The following PREX2 variants were observed in gnomAD, a reference collection of about 807,000 sequenced individuals.
PREX2 encodes phosphatidylinositol-3,4,5-trisphosphate dependent Rac exchange factor 2.
Under a neutral mutation model 203.2 loss-of-function variants are expected in PREX2, and 107 were observed. That is an observed-to-expected ratio of 0.53 (90% CI 0.45 to 0.62). The LOEUF (loss-of-function observed/expected upper bound fraction) is 0.62, where lower values mean the gene tolerates loss of function less well. Among genes scored for constraint, PREX2 ranks in the 20% least tolerant of loss-of-function variants. The probability of loss-of-function intolerance (pLI) is 0.00; values close to 1 mark genes in which losing one functional copy is unlikely to be tolerated. For synonymous variants in PREX2, 672 were observed against 663.6 expected, an observed-to-expected ratio of 1.01 and a Z score of -0.19; for missense variants, 1,777 against 1,955.9, an observed-to-expected ratio of 0.91 and a Z score of 1.72.
At chr8:68,113,374 AT>A (rs71933541) in intron 25 of PREX2, among the ~76,000 whole-genome samples, 1 of 152,138 alleles carries the variant, frequency 6.6e-6, no homozygotes, top group Admixed American at 6.5e-5. Context: ...GAACTCCTGC[AT>A]TTTTTCCCTC....
intron 26 of PREX2, among the ~76,000 whole-genome samples, chr8:68,116,547 C>T (rs1810662780): frequency 6.6e-6 from 1 of 152,140 alleles, no homozygotes; most frequent in African/African-American, 2.4e-5. Flanking sequence ...TGTGTTGGCT[C>T]CTTCTGAAGG....
chr8:68,213,224 C>T (rs1422875843), intron 37 of PREX2, among the ~76,000 whole-genome samples: 3 of 152,164 alleles, frequency 2.0e-5, no homozygotes, highest in Non-Finnish European at 1.5e-5. Context: ...ATAACCACAG[C>T]GAATTGAACG....
At chr8:68,206,625 G>T (rs1230888852) in intron 37 of PREX2, among the ~76,000 whole-genome samples, 3 of 152,134 alleles carry the variant, frequency 2.0e-5, no homozygotes, top group Non-Finnish European at 4.4e-5. Flanking sequence ...CAAGACTAGG[G>T]TTTTATTTCC....
At chr8:68,215,363 A>G (rs1039607575) in intron 37 of PREX2, among the ~76,000 whole-genome samples, 16 of 152,172 alleles carry the variant, frequency 1.1e-4, no homozygotes, top group Admixed American at 2.6e-4. Flanking sequence ...AGAAACAGAT[A>G]AAGATTTTTT....
chr8:68,120,251 A>G lies in PREX2; in HGVS notation c.3560A>G (p.Gln1187Arg). 6.2e-7 allele frequency: 1 copy of G among 1,613,916 alleles called. No homozygotes were observed. The highest frequency in any genetic ancestry group is 8.5e-7 in the Non-Finnish European group (1 of 1,179,816). ...KGQAVVRAFD[Q>R]TKYLTPGRGL... The stretch of plus-strand genomic sequence containing the variant: ...CAGGCTGTTGTGAGGGCCTTTGACC[A>G]AACCAAGTATCTCACTCCAGGCCGA... The change falls in exon 29 of 40, where the codon CAA (glutamine) becomes CGA (arginine). Residue 1187 changes from glutamine (Q) to arginine (R), a missense_variant. Transcript: ENST00000288368.
intron 37 of PREX2, among the ~76,000 whole-genome samples, chr8:68,205,472 GT>G (rs1812603934): frequency 6.6e-6 from 1 of 152,192 alleles, no homozygotes. Flanking sequence ...AGGTGGGAAA[GT>G]CAATAGGTCA....
chr8:68,116,047 C>A, intron 26 of PREX2, 115 bp downstream of exon 26: 1 of 813,708 alleles, frequency 1.2e-6, no homozygotes, highest in Non-Finnish European at 1.9e-6. Flanking sequence ...TGGTCTTTCA[C>A]AATAATCACC....
Position 68,017,824 on chromosome 8 carries a change from A to G in PREX2, c.142-22A>G, listed in dbSNP as rs1447601004. On this transcript the variant is annotated intron_variant, in intron 1 of 39. Transcript: ENST00000288368. ...TTTATTAACCTAATGTTACCTTCAT[A>G]ATGTCTTCTTGTTTCATGCAGGCAT... 20 of 1,602,030 alleles carry G rather than the reference A, an allele frequency of 1.2e-5. No homozygotes were observed. The East Asian group carries it at 4.5e-4, about 36-fold the overall frequency.
intron 38 of PREX2, 140 bp from the exon 39 acceptor site, chr8:68,224,419 C>A: frequency 1.5e-6 from 1 of 663,440 alleles, no homozygotes; most frequent in Admixed American, 2.6e-5. Flanking sequence ...GCTCAGACAG[C>A]GATGTCTGTC....
chr8:68,159,777 A>G (rs1811616633), intron 35 of PREX2, among the ~76,000 whole-genome samples: 1 of 152,210 alleles, frequency 6.6e-6, no homozygotes, highest in Non-Finnish European at 1.5e-5. Context: ...CTAATTATGT[A>G]TCTTAAAAAA....
At chr8:68,174,495 T>C (rs1811940991) in intron 35 of PREX2, among the ~76,000 whole-genome samples, 1 of 152,152 alleles carries the variant, frequency 6.6e-6, no homozygotes, top group Admixed American at 6.6e-5. Flanking sequence ...TTTTCATAAT[T>C]TTAGTTAGAA....
At chr8:68,024,677 A>G (rs1165889693) in intron 4 of PREX2, among the ~76,000 whole-genome samples, 2 of 151,730 alleles carry the variant, frequency 1.3e-5, no homozygotes, top group African/African-American at 2.4e-5. Context: ...GTGCCATTTT[A>G]TTACTTTTTC....
chr8:68,031,185 C>G lies in PREX2; in HGVS notation c.705+527C>G, dbSNP rs189825993. On this transcript the variant is annotated intron_variant, in intron 6 of 39. Transcript: ENST00000288368. ...GAGTCACTAAGGAAATTTTTTTATGCCAAAAAAAGAGTATAGTTCAAAATC... is the reference window on the plus strand; with the variant it reads ...GAGTCACTAAGGAAATTTTTTTATGGCAAAAAAAGAGTATAGTTCAAAATC... Among the ~76,000 whole-genome samples the G allele has an allele frequency of 7.7e-3, 1,171 of 151,840 alleles. 8 individuals carry two copies. Among genetic ancestry groups the G allele is most frequent in the Admixed American group, 0.012 (189 of 15,262 alleles).
At position 67,952,447 on chromosome 8, in the gene PREX2, A is replaced by G; in HGVS notation, c.53A>G (p.Glu18Gly). 1 of 1,595,496 alleles carries G rather than the reference A, an allele frequency of 6.3e-7. No homozygotes were observed. Among genetic ancestry groups the G allele is most frequent in the Non-Finnish European group, 8.5e-7 (1 of 1,171,618 alleles). ...DSRAESAKDL[E>G]KQLRLRVCVL... The stretch of plus-strand genomic sequence containing the variant: ...CGCGCCGAGAGCGCCAAGGACCTGG[A>G]GAAGCAGCTTCGCCTGCGCGTGTGC... The change falls in exon 1 of 40, where the codon GAG (glutamate) becomes GGG (glycine). Residue 18 changes from glutamate (E) to glycine (G), a missense_variant. Coordinates refer to ENST00000288368, the MANE Select transcript of PREX2 (RefSeq NM_024870.4).
chr8:68,030,738 G>A (rs1052180505), intron 6 of PREX2, 80 bp downstream of exon 6: 11 of 1,374,846 alleles, frequency 8.0e-6, no homozygotes, highest in Non-Finnish European at 1.1e-5. Context: ...GCGTTGGATG[G>A]AACCATAAAT....
In PREX2 at chr8:68,160,665, G is replaced by A. The variant is rs1289174555; in HGVS notation, c.4346+3229G>A. 2.6e-5 allele frequency among the ~76,000 whole-genome samples: 4 copies of A among 151,972 alleles called. No individual in the cohort carries two copies. The South Asian group carries it at 8.3e-4, about 32-fold the overall frequency. On this transcript the variant is annotated intron_variant, in intron 35 of 39. Coordinates refer to ENST00000288368, the MANE Select transcript of PREX2 (RefSeq NM_024870.4). ...TTGAGGAAGTATGTCAAATATTAAAGGTTTAAAACATTTGTTCAAAATAGG... is the reference window on the plus strand; with the variant it reads ...TTGAGGAAGTATGTCAAATATTAAAAGTTTAAAACATTTGTTCAAAATAGG...
At chr8:68,141,813 A>T (rs961135483) in intron 33 of PREX2, among the ~76,000 whole-genome samples, 1 of 152,178 alleles carries the variant, frequency 6.6e-6, no homozygotes, top group Admixed American at 6.5e-5. Context: ...CCTCTATAGG[A>T]TGCTACCAGA....
intron 37 of PREX2, among the ~76,000 whole-genome samples, chr8:68,207,755 G>A (rs147176186): frequency 0.014 from 2,062 of 152,096 alleles, 50 homozygotes; most frequent in African/African-American, 0.046. Context: ...TCAGTAACTT[G>A]CCCAAGGTCA....
At chr8:68,159,665 T>A (rs1442271194) in intron 35 of PREX2, among the ~76,000 whole-genome samples, 2 of 152,344 alleles carry the variant, frequency 1.3e-5, no homozygotes, top group Non-Finnish European at 2.9e-5. Flanking sequence ...CAAGGGTTTT[T>A]TTAATTGGCT....
Sources: allele counts gnomAD v4.1 joint callset (sites outside exome capture counted in the v4.1 genomes callset), GRCh38; gene constraint gnomAD v4.1.1; transcripts MANE v1.5; gene names NCBI Gene and HGNC (gene_info 2026-07-23, HGNC 2026-07-21).